Variants in PVT1 observed in about 807,000 individuals in gnomAD.
PVT1 encodes the protein CXCR4/PVT1 fusion.
intron 4 of PVT1, among the ~76,000 whole-genome samples, chr8:127,990,232 G>A (rs1817017537): frequency 6.6e-6 from 1 of 152,146 alleles, no homozygotes; most frequent in African/African-American, 2.4e-5. Flanking sequence ...GGCTAGTGAA[G>A]GCATGTCTCC....
chr8:127,821,231 G>A (rs7829132), intron 2 of PVT1, among the ~76,000 whole-genome samples: 103,928 of 152,074 alleles, frequency 0.68, 36,984 homozygotes, highest in African/African-American at 0.88. Context: ...TCTTCAAGTA[G>A]TAGCTAGGCC....
At chr8:128,063,514 AAAATAAAT>A (rs1332480928) in intron 4 of PVT1, among the ~76,000 whole-genome samples, 2 of 152,150 alleles carry the variant, frequency 1.3e-5, no homozygotes, top group Non-Finnish European at 2.9e-5. Context: ...TCTGTCTCAA[AAAATAAAT>A]AAATAAATTT....
chr8:127,980,369 G>C (rs982530260), intron 3 of PVT1, among the ~76,000 whole-genome samples: 2 of 152,178 alleles, frequency 1.3e-5, no homozygotes, highest in African/African-American at 4.8e-5. Context: ...TTATAGTCTA[G>C]GGGGTTTGGG....
chr8:128,024,287 A>G (rs928017148), intron 4 of PVT1, among the ~76,000 whole-genome samples: 6 of 152,154 alleles, frequency 3.9e-5, no homozygotes, highest in Non-Finnish European at 7.3e-5. Context: ...CTCATGGGCC[A>G]GTGGGTGTCA....
chr8:128,081,321 T>C (rs1393030072), intron 5 of PVT1, among the ~76,000 whole-genome samples: 9 of 152,230 alleles, frequency 5.9e-5, no homozygotes, highest in African/African-American at 1.9e-4. Flanking sequence ...GCTTCCAATT[T>C]TTGGCAACTA....
intron 2 of PVT1, among the ~76,000 whole-genome samples, chr8:127,824,007 A>G (rs1814760738): frequency 6.6e-6 from 1 of 152,162 alleles, no homozygotes; most frequent in Admixed American, 6.5e-5. Flanking sequence ...AACCTGGGCA[A>G]CAAAGCGAGA....
chr8:128,064,589 C>T (rs1813879044), intron 4 of PVT1, among the ~76,000 whole-genome samples: 1 of 152,164 alleles, frequency 6.6e-6, no homozygotes, highest in Non-Finnish European at 1.5e-5. Flanking sequence ...TAGGGTGGGG[C>T]CCTGCCTGCA....
intron 5 of PVT1, chr8:128,082,757 T>TGGACA (rs1282613742): frequency 3.3e-5 from 5 of 152,208 alleles, no homozygotes; most frequent in Non-Finnish European, 4.4e-5. Flanking sequence ...CCCTAGATCT[T>TGGACA]GGACATGATA....
intron 3 of PVT1, among the ~76,000 whole-genome samples, chr8:127,981,034 AG>A (rs1273574591): frequency 1.3e-5 from 2 of 152,182 alleles, no homozygotes; most frequent in Non-Finnish European, 2.9e-5. Context: ...AGACCTCAAG[AG>A]ATCCACTGCC....
intron 2 of PVT1, among the ~76,000 whole-genome samples, chr8:127,807,332 A>G (rs76763928): frequency 0.014 from 2,159 of 152,232 alleles, 53 homozygotes; most frequent in African/African-American, 0.049. Context: ...TTTAAATTCA[A>G]TTAATTAATT....
chr8:127,864,984 G>A lies in PVT1; in HGVS notation n.373-25605G>A, dbSNP rs186707744. Among the ~76,000 whole-genome samples, 46 of 152,342 alleles carry A rather than the reference G, an allele frequency of 3.0e-4. No individual in the cohort carries two copies. The East Asian group carries it at 8.9e-3, about 29-fold the overall frequency. ...GAGGGACCTGGCTAAGAGGATCTAA[G>A]ACCAGAACTAGTCTGAGTGCTTGGG... is the stretch of plus-strand genomic sequence containing the variant. On this transcript the variant is annotated intron_variant and non_coding_transcript_variant, in intron 2 of 10. Coordinates refer to ENST00000651587, the Ensembl canonical transcript of PVT1.
chr8:127,809,874 T>C (rs1814572106), intron 2 of PVT1, among the ~76,000 whole-genome samples: 1 of 152,190 alleles, frequency 6.6e-6, no homozygotes, highest in Admixed American at 6.5e-5. Flanking sequence ...CACTTAGAGA[T>C]TTTGAAGAGA....
intron 4 of PVT1, among the ~76,000 whole-genome samples, chr8:128,065,232 C>T (rs911458847): frequency 6.6e-6 from 1 of 151,900 alleles, no homozygotes; most frequent in African/African-American, 2.4e-5. Context: ...CACTCTGTCT[C>T]CCAGGCTGGA....
chr8:128,091,788 G>T (rs117688496), intron 5 of PVT1, among the ~76,000 whole-genome samples: 2 of 152,124 alleles, frequency 1.3e-5, no homozygotes, highest in Non-Finnish European at 2.9e-5. Flanking sequence ...GATGGTAAAA[G>T]CTTAGCCCAG....
At position 128,013,502 on chromosome 8, in the gene PVT1, A is replaced by G. The variant is rs115189288; in HGVS notation, n.912+24211A>G. ...TTTGTGTCCCTAACCTGATATATTCATTCCACAAATGTTTATTGAACACTT... is the reference window on the plus strand; with the variant it reads ...TTTGTGTCCCTAACCTGATATATTCGTTCCACAAATGTTTATTGAACACTT... On this transcript the variant is annotated intron_variant and non_coding_transcript_variant, in intron 4 of 10. Transcript: ENST00000651587. 3.8e-3 allele frequency among the ~76,000 whole-genome samples: 580 copies of G among 152,222 alleles called. 2 individuals are homozygous for G. The highest frequency in any genetic ancestry group is 0.013 in the African/African-American group (556 of 41,524).
At chr8:127,951,400 G>A (rs542537755) in intron 3 of PVT1, among the ~76,000 whole-genome samples, 7 of 152,270 alleles carry the variant, frequency 4.6e-5, no homozygotes, top group East Asian at 1.9e-4. Flanking sequence ...TAGGGCCCTG[G>A]GTAGGAAACC....
chr8:127,882,575 C>A (rs973657955), intron 2 of PVT1, among the ~76,000 whole-genome samples: 2 of 152,136 alleles, frequency 1.3e-5, no homozygotes, highest in Non-Finnish European at 2.9e-5. Flanking sequence ...CCTCCGCCTC[C>A]CAGGTTCAAG....
At chr8:128,020,876 A>T (rs1282536342) in intron 4 of PVT1, among the ~76,000 whole-genome samples, 1 of 152,216 alleles carries the variant, frequency 6.6e-6, no homozygotes, top group Non-Finnish European at 1.5e-5. Flanking sequence ...TTCAAGTCCC[A>T]GTAGTAGCTC....
At chr8:128,041,284 G>C (rs894599777) in intron 4 of PVT1, among the ~76,000 whole-genome samples, 1 of 141,954 alleles carries the variant, frequency 7.0e-6, no homozygotes, top group Non-Finnish European at 1.5e-5. Flanking sequence ...GTGTGTTTAT[G>C]CTTGTATGTT....
Sources: allele counts gnomAD v4.1 joint callset (sites outside exome capture counted in the v4.1 genomes callset), GRCh38; gene constraint gnomAD v4.1.1; transcripts MANE v1.5; gene names NCBI Gene and HGNC (gene_info 2026-07-23, HGNC 2026-07-21).